NHERF4: variants seen among roughly 807,000 people sequenced by gnomAD.
NHERF4 encodes NHERF family PDZ scaffold protein 4, also known as Na(+)/H(+) exchange regulatory cofactor NHE-RF4.
the NHERF4 span, chr11:119,186,014 T>C: frequency 2.5e-6 from 4 of 1,613,816 alleles, no homozygotes; most frequent in Admixed American, 6.7e-5. The surrounding 1 kb of genome is among the most constrained non-coding windows in gnomAD (Gnocchi z 4.4). Context: ...AGCGCTTCAC[T>C]GCCATTAGCA....
At chr11:119,187,779 C>A in the NHERF4 span, 1 of 1,461,414 alleles carries the variant, frequency 6.8e-7, no homozygotes, top group Non-Finnish European at 9.0e-7. Context: ...CTTCCCCATG[C>A]GCCTAACCTC....
the NHERF4 span, chr11:119,186,225 G>C: frequency 1.9e-6 from 3 of 1,613,888 alleles, no homozygotes; most frequent in Non-Finnish European, 2.5e-6. This position sits in a 1 kb window ranked among gnomAD's most constrained non-coding sequence, Gnocchi z 4.4. Flanking sequence ...GGCTCCACAC[G>C]GCCTCCGATC....
chr11:119,190,187 T>G, the NHERF4 span: 6 of 1,088,306 alleles, frequency 5.5e-6, no homozygotes, highest in Non-Finnish European at 5.1e-6. The surrounding 1 kb of genome is among the most constrained non-coding windows in gnomAD (Gnocchi z 4.2). Flanking sequence ...AGAAGAAAAC[T>G]AAATAAAAAT....
chr11:119,187,140 CAAAAAAAAA>C, the NHERF4 span: 732 of 509,632 alleles, frequency 1.4e-3, 9 homozygotes, highest in African/African-American at 0.028. Flanking sequence ...AACTCCATCT[CAAAAAAAAA>C]AAAAAAAAAG....
the NHERF4 span, chr11:119,185,815 C>T: frequency 1.4e-6 from 2 of 1,438,178 alleles, no homozygotes; most frequent in Non-Finnish European, 1.9e-6. Flanking sequence ...AGGGGGCATG[C>T]CCTGAGTTTG....
the NHERF4 span, chr11:119,188,397 A>G: frequency 6.2e-7 from 1 of 1,613,672 alleles, no homozygotes; most frequent in Admixed American, 1.7e-5. Flanking sequence ...CCAGCCAAGA[A>G]GGCTGGGATG....
the NHERF4 span, chr11:119,188,732 C>T: frequency 1.2e-6 from 2 of 1,614,208 alleles, no homozygotes; most frequent in Non-Finnish European, 8.5e-7. Context: ...AGACAGAGGA[C>T]CCTTCACTTG....
the NHERF4 span, chr11:119,187,157 AAG>A: frequency 2.3e-6 from 2 of 862,206 alleles, no homozygotes; most frequent in East Asian, 2.9e-5. Context: ...AAAAAAAAAA[AAG>A]AAAAAGAAAA....
the NHERF4 span, chr11:119,188,082 AG>A: frequency 5.8e-6 from 9 of 1,551,070 alleles, no homozygotes; most frequent in Non-Finnish European, 7.8e-6. Flanking sequence ...CTGCACCTGG[AG>A]AAAGGGCCCC....
the NHERF4 span, chr11:119,186,245 A>G: frequency 6.2e-7 from 1 of 1,613,774 alleles, no homozygotes; most frequent in African/African-American, 1.3e-5. The surrounding 1 kb of genome is among the most constrained non-coding windows in gnomAD (Gnocchi z 4.4). Context: ...CTCCTTGGTA[A>G]CCACTCACTC....
At chr11:119,189,389 G>A in the NHERF4 span, 3 of 1,570,482 alleles carry the variant, frequency 1.9e-6, no homozygotes, top group Non-Finnish European at 2.6e-6. The surrounding 1 kb of genome is among the most constrained non-coding windows in gnomAD (Gnocchi z 5.8). Flanking sequence ...GCATTCCAGT[G>A]CAGGGCGGGG....
At chr11:119,188,632 C>A in the NHERF4 span, 59 of 1,613,848 alleles carry the variant, frequency 3.7e-5, no homozygotes, top group Non-Finnish European at 8.5e-7. Context: ...CTCCCTGCCA[C>A]CTTCCAGGTT....
chr11:119,189,078 C>T, the NHERF4 span: 1 of 1,614,108 alleles, frequency 6.2e-7, no homozygotes, highest in Non-Finnish European at 8.5e-7. The surrounding 1 kb of genome is among the most constrained non-coding windows in gnomAD (Gnocchi z 5.8). Flanking sequence ...AACGGGTATC[C>T]TGTTGGGGGA....
At chr11:119,188,827 T>A in the NHERF4 span, 14 of 1,614,212 alleles carry the variant, frequency 8.7e-6, no homozygotes, top group Admixed American at 1.7e-5. Context: ...GGCTTCCGAC[T>A]CAGTTGTGTG....
the NHERF4 span, chr11:119,188,647 T>C: frequency 6.2e-7 from 1 of 1,614,112 alleles, no homozygotes; most frequent in Non-Finnish European, 8.5e-7. Context: ...CAGGTTCGCC[T>C]GTCCCCACTC....
the NHERF4 span, chr11:119,188,563 G>A: frequency 1.9e-6 from 3 of 1,602,066 alleles, no homozygotes; most frequent in Non-Finnish European, 2.6e-6. Context: ...TGCGTGCTGA[G>A]GGGCAGGGGC....
At chr11:119,188,056 C>A in the NHERF4 span, 1 of 1,552,730 alleles carries the variant, frequency 6.4e-7, no homozygotes, top group Non-Finnish European at 8.7e-7. Flanking sequence ...GGGCACTGCC[C>A]ACCAAGCCCC....
At chr11:119,188,041 G>A in the NHERF4 span, 12 of 1,555,630 alleles carry the variant, frequency 7.7e-6, no homozygotes, top group Non-Finnish European at 1.0e-5. Flanking sequence ...CCCTGGCAGA[G>A]GGCTGGGCAC....
the NHERF4 span, chr11:119,189,371 A>G: frequency 6.5e-7 from 1 of 1,546,362 alleles, no homozygotes; most frequent in Non-Finnish European, 8.9e-7. This position sits in a 1 kb window ranked among gnomAD's most constrained non-coding sequence, Gnocchi z 5.8. Flanking sequence ...AATAAACCCC[A>G]TTTCTGGGCA....
Sources: gnomAD v4.1 joint callset for allele counts on GRCh38, gnomAD v4.1.1 for gene constraint, Gnocchi (gnomAD v3.1) non-coding constraint, MANE v1.5 for transcripts, NCBI Gene and HGNC (gene_info 2026-07-23, HGNC 2026-07-21) for gene names.